Variants in ABTB3 observed in about 807,000 individuals in gnomAD.
The protein encoded by ABTB3 is ankyrin repeat and BTB domain containing 3, also known as ankyrin repeat- and BTB/POZ domain-containing protein 3.
the ABTB3 span, among the ~76,000 whole-genome samples, chr12:107,424,990 A>T: frequency 6.6e-6 from 1 of 152,120 alleles, no homozygotes; most frequent in Admixed American, 6.5e-5. Context: ...TCCCCACTCC[A>T]GTGGTCCATG....
the ABTB3 span, among the ~76,000 whole-genome samples, chr12:107,453,465 T>A: frequency 2.0e-5 from 3 of 152,236 alleles, no homozygotes; most frequent in African/African-American, 7.2e-5. Flanking sequence ...CCTTCCACCA[T>A]GTGAGAACAC....
the ABTB3 span, among the ~76,000 whole-genome samples, chr12:107,339,829 A>G: frequency 6.6e-6 from 1 of 152,162 alleles, no homozygotes; most frequent in East Asian, 1.9e-4. Flanking sequence ...AGGCAATTCT[A>G]ACATCTTCAT....
At chr12:107,640,011 A>G in the ABTB3 span, among the ~76,000 whole-genome samples, 1 of 152,192 alleles carries the variant, frequency 6.6e-6, no homozygotes, top group African/African-American at 2.4e-5. Context: ...AGAGCAGCAG[A>G]AGTGGGGATG....
chr12:107,474,432 A>T, the ABTB3 span, among the ~76,000 whole-genome samples: 1 of 152,190 alleles, frequency 6.6e-6, no homozygotes, highest in African/African-American at 2.4e-5. Context: ...ACTGCTCCAA[A>T]CAGCGGGCTC....
At chr12:107,581,911 T>C in the ABTB3 span, among the ~76,000 whole-genome samples, 1 of 152,172 alleles carries the variant, frequency 6.6e-6, no homozygotes, top group Non-Finnish European at 1.5e-5. Context: ...CAGTGGGGCG[T>C]GTGTGTGTGC....
the ABTB3 span, among the ~76,000 whole-genome samples, chr12:107,500,872 G>A: frequency 6.6e-6 from 1 of 152,112 alleles, no homozygotes; most frequent in Non-Finnish European, 1.5e-5. Context: ...CCTTTAAGTG[G>A]CTCTTCATTA....
chr12:107,375,844 A>T, the ABTB3 span, among the ~76,000 whole-genome samples: 1 of 152,108 alleles, frequency 6.6e-6, no homozygotes, highest in Admixed American at 6.5e-5. Context: ...TCTCCTATTC[A>T]AACCTGCAGA....
At chr12:107,529,207 T>C in the ABTB3 span, among the ~76,000 whole-genome samples, 1 of 149,996 alleles carries the variant, frequency 6.7e-6, no homozygotes, top group Non-Finnish European at 1.5e-5. Context: ...GTGATGATGA[T>C]GATGGAGATG....
At chr12:107,387,333 C>T in the ABTB3 span, among the ~76,000 whole-genome samples, 89 of 152,200 alleles carry the variant, frequency 5.8e-4, 2 homozygotes, top group Middle Eastern at 3.2e-3. Flanking sequence ...CTTGAGCCTG[C>T]TCCTGCGGGT....
the ABTB3 span, among the ~76,000 whole-genome samples, chr12:107,380,340 A>G: frequency 8.5e-5 from 13 of 152,128 alleles, no homozygotes; most frequent in Non-Finnish European, 2.9e-5. Context: ...CTTTGTTTGC[A>G]TTCTTTTCCT....
At chr12:107,351,036 G>A in the ABTB3 span, among the ~76,000 whole-genome samples, 10 of 152,038 alleles carry the variant, frequency 6.6e-5, no homozygotes, top group Middle Eastern at 3.4e-3. Flanking sequence ...ATTGGAAACC[G>A]GAAAAAAAAA....
the ABTB3 span, among the ~76,000 whole-genome samples, chr12:107,321,789 C>G: frequency 6.6e-6 from 1 of 152,162 alleles, no homozygotes; most frequent in Non-Finnish European, 1.5e-5. Flanking sequence ...CACAGAGGGG[C>G]TTAATTTCCT....
At chr12:107,582,396 T>C in the ABTB3 span, among the ~76,000 whole-genome samples, 1 of 152,134 alleles carries the variant, frequency 6.6e-6, no homozygotes, top group East Asian at 1.9e-4. Flanking sequence ...TAGTAAATAA[T>C]AGAGTCAGGA....
the ABTB3 span, among the ~76,000 whole-genome samples, chr12:107,526,619 T>C: frequency 6.6e-6 from 1 of 152,134 alleles, no homozygotes; most frequent in Non-Finnish European, 1.5e-5. Context: ...TTATAGTGTT[T>C]GCTTTCTGTT....
chr12:107,612,361 G>C, the ABTB3 span, among the ~76,000 whole-genome samples: 3 of 152,192 alleles, frequency 2.0e-5, 1 homozygote, highest in African/African-American at 7.2e-5. Flanking sequence ...AGCTTTTATA[G>C]AGCAAAGATG....
chr12:107,651,648 T>C, the ABTB3 span: 13 of 1,575,074 alleles, frequency 8.3e-6, no homozygotes, highest in South Asian at 1.4e-4. Flanking sequence ...TCCCAGCCTC[T>C]AACAGACTCT....
At chr12:107,374,292 A>T in the ABTB3 span, among the ~76,000 whole-genome samples, 10 of 152,092 alleles carry the variant, frequency 6.6e-5, no homozygotes, top group African/African-American at 2.2e-4. Flanking sequence ...TTCGCAACAG[A>T]CACAGTTCCG....
At chr12:107,624,497 C>T in the ABTB3 span, among the ~76,000 whole-genome samples, 1 of 152,168 alleles carries the variant, frequency 6.6e-6, no homozygotes, top group African/African-American at 2.4e-5. Flanking sequence ...CACCCACTTC[C>T]CTCCTGCCTC....
chr12:107,378,520 T>C, the ABTB3 span, among the ~76,000 whole-genome samples: 1,816 of 152,316 alleles, frequency 0.012, 45 homozygotes, highest in African/African-American at 0.041. Context: ...CAAGGTCTTA[T>C]AGCAAGTAAG....
Sources: allele counts gnomAD v4.1 joint callset (sites outside exome capture counted in the v4.1 genomes callset), GRCh38; gene constraint gnomAD v4.1.1; transcripts MANE v1.5; gene names NCBI Gene and HGNC (gene_info 2026-07-23, HGNC 2026-07-21).